The following CDH13 variants were observed in gnomAD, a reference collection of about 807,000 sequenced individuals.
The protein encoded by CDH13 is cadherin 13.
CDH13 carries 24 observed loss-of-function variants against 63.8 expected under a neutral mutation model. The observed-to-expected ratio is 0.38, with a 90% CI of 0.27 to 0.53. The LOEUF (loss-of-function observed/expected upper bound fraction) is 0.53, where lower values mean the gene tolerates loss of function less well. Ranked by LOEUF, CDH13 falls within the 20% of genes least tolerant of loss-of-function variation. The pLI is 0.85. For missense variants in CDH13, 1,049 were observed against 903.1 expected, an observed-to-expected ratio of 1.16 and a Z score of -2.07; for synonymous variants, 503 against 355.3, an observed-to-expected ratio of 1.42 and a Z score of -4.67.
chr16:83,734,447 T>C (rs905641141), intron 10 of CDH13, among the ~76,000 whole-genome samples: 1 of 151,856 alleles, frequency 6.6e-6, no homozygotes, highest in Admixed American at 6.6e-5. Context: ...ATGGATGAAA[T>C]TGGAAATCAT....
chr16:83,430,866 T>C (rs34890738), intron 6 of CDH13, among the ~76,000 whole-genome samples: 23,792 of 151,882 alleles, frequency 0.16, 2,435 homozygotes, highest in Non-Finnish European at 0.23. Flanking sequence ...GTGCACATTG[T>C]GCAGGTTAGT....
intron 7 of CDH13, among the ~76,000 whole-genome samples, chr16:83,533,684 G>A (rs1263638353): frequency 1.4e-5 from 2 of 141,978 alleles, no homozygotes; most frequent in African/African-American, 2.7e-5. Context: ...GCAGTGGCAC[G>A]ATCTCAGCTC....
At chr16:82,890,485 C>T (rs2041041522) in intron 2 of CDH13, among the ~76,000 whole-genome samples, 1 of 152,144 alleles carries the variant, frequency 6.6e-6, no homozygotes, top group Non-Finnish European at 1.5e-5. Context: ...TCTCCAGAAT[C>T]TCATTGGTGT....
chr16:83,339,214 A>G (rs901692643), intron 5 of CDH13, among the ~76,000 whole-genome samples: 2 of 152,136 alleles, frequency 1.3e-5, no homozygotes, highest in African/African-American at 4.8e-5. Context: ...TCATTTGAGG[A>G]AGAGAATGAC....
At chr16:83,405,134 CA>C (rs34772600) in intron 6 of CDH13, among the ~76,000 whole-genome samples, 38,155 of 138,812 alleles carry the variant, frequency 0.27, 4,849 homozygotes, top group Middle Eastern at 0.37. Flanking sequence ...CTCTAGCTCT[CA>C]AAAAAAAAAA....
intron 2 of CDH13, among the ~76,000 whole-genome samples, chr16:82,921,267 C>A (rs1321656554): frequency 6.6e-6 from 1 of 152,156 alleles, no homozygotes; most frequent in Non-Finnish European, 1.5e-5. Context: ...CAGAGCTACA[C>A]TCTCTCCAGA....
chr16:82,858,568 C>G, intron 2 of CDH13, 95 bp downstream of exon 2: 1 of 860,672 alleles, frequency 1.2e-6, no homozygotes, highest in Non-Finnish European at 1.9e-6. Flanking sequence ...ATTTCCTAAA[C>G]TAAGTGTTTT....
intron 5 of CDH13, among the ~76,000 whole-genome samples, chr16:83,255,568 C>G (rs1052354632): frequency 1.3e-5 from 2 of 152,178 alleles, no homozygotes; most frequent in Non-Finnish European, 2.9e-5. Flanking sequence ...CAGCTTGGCT[C>G]TTTCTACAAG....
At chr16:83,699,471 G>A (rs150673408) in intron 10 of CDH13, among the ~76,000 whole-genome samples, 1 of 152,284 alleles carries the variant, frequency 6.6e-6, no homozygotes, top group Non-Finnish European at 1.5e-5. Context: ...CCAGAGGATT[G>A]GAGAAGGAAG....
At chr16:82,949,390 C>T (rs559020142) in intron 2 of CDH13, among the ~76,000 whole-genome samples, 1 of 152,264 alleles carries the variant, frequency 6.6e-6, no homozygotes, top group Non-Finnish European at 1.5e-5. Flanking sequence ...AATAGGTCCA[C>T]TCTAACGGCT....
intron 3 of CDH13, among the ~76,000 whole-genome samples, chr16:83,073,377 G>A (rs902187516): frequency 2.6e-4 from 39 of 147,400 alleles, no homozygotes; most frequent in Admixed American, 2.2e-3. Flanking sequence ...GAGAGAGAGA[G>A]CTTTCTTAAT....
At chr16:83,587,368 A>G (rs1427315530) in intron 7 of CDH13, among the ~76,000 whole-genome samples, 4 of 152,226 alleles carry the variant, frequency 2.6e-5, no homozygotes, top group Non-Finnish European at 5.9e-5. Flanking sequence ...AATGGCTGCA[A>G]GTCGTAGACA....
chr16:83,780,495 A>G (rs770720869), intron 12 of CDH13, among the ~76,000 whole-genome samples: 1 of 152,244 alleles, frequency 6.6e-6, no homozygotes, highest in Non-Finnish European at 1.5e-5. Flanking sequence ...ACTATTTAGT[A>G]TAACTCCAAT....
chr16:82,804,163 G>A (rs546154190), intron 1 of CDH13, among the ~76,000 whole-genome samples: 1 of 151,926 alleles, frequency 6.6e-6, no homozygotes, highest in Admixed American at 6.6e-5. Flanking sequence ...AGGAGGTGGA[G>A]GTTGCAGTGA....
intron 2 of CDH13, among the ~76,000 whole-genome samples, chr16:82,967,211 C>A (rs547587279): frequency 6.6e-5 from 10 of 152,018 alleles, no homozygotes; most frequent in Admixed American, 1.3e-4. Context: ...TCTCTGCCAC[C>A]CCCACCCCCA....
chr16:83,382,911 C>A (rs1437195294), intron 6 of CDH13: 1 of 152,208 alleles, frequency 6.6e-6, no homozygotes, highest in African/African-American at 2.4e-5. Flanking sequence ...GTATTGACAT[C>A]TAGGGCTTAG....
intron 9 of CDH13, among the ~76,000 whole-genome samples, chr16:83,675,144 G>T (rs568900135): frequency 1.3e-5 from 2 of 152,266 alleles, no homozygotes; most frequent in East Asian, 3.9e-4. Flanking sequence ...TCCTGTCCCT[G>T]ACACAGAGGC....
At chr16:83,095,663 G>T (rs1014010606) in intron 3 of CDH13, among the ~76,000 whole-genome samples, 9 of 152,212 alleles carry the variant, frequency 5.9e-5, no homozygotes, top group African/African-American at 1.9e-4. Context: ...GCACTAACTT[G>T]TTAGTTGAAG....
intron 5 of CDH13, among the ~76,000 whole-genome samples, chr16:83,266,177 A>T (rs1326615959): frequency 2.0e-5 from 3 of 152,042 alleles, no homozygotes; most frequent in Non-Finnish European, 4.4e-5. Context: ...ACCTCAAGTG[A>T]TCAACCCACC....
Sources: allele counts gnomAD v4.1 joint callset (sites outside exome capture counted in the v4.1 genomes callset), GRCh38; gene constraint gnomAD v4.1.1; transcripts MANE v1.5; gene names NCBI Gene and HGNC (gene_info 2026-07-23, HGNC 2026-07-21).